Variants in GLRA2 observed in about 807,000 individuals in gnomAD.
GLRA2 encodes glycine receptor subunit alpha-2.
Under a neutral mutation model 31.6 loss-of-function variants are expected in GLRA2, and 11 were observed. The ratio of observed to expected loss-of-function variants is 0.35; its 90% confidence interval spans 0.22 to 0.58. The LOEUF (loss-of-function observed/expected upper bound fraction) is 0.58, where lower values mean the gene tolerates loss of function less well. GLRA2 is among the 20% of genes least tolerant of loss of function. GLRA2 has a pLI of 0.84. For missense variants in GLRA2, 212 were observed against 351.8 expected, an observed-to-expected ratio of 0.60 and a Z score of 3.18; for synonymous variants, 132 against 134.0, an observed-to-expected ratio of 0.99 and a Z score of 0.10.
At chrX:14,472,164 T>A in the GLRA2 span, among the ~76,000 whole-genome samples, 1 of 111,980 alleles carries the variant, frequency 8.9e-6, no homozygotes, top group Non-Finnish European at 1.9e-5. Flanking sequence ...CCTAGGCTTT[T>A]AAATCAGTTG....
chrX:14,589,709 T>C (rs1022253844), intron 4 of GLRA2, among the ~76,000 whole-genome samples: 2 of 106,972 alleles, frequency 1.9e-5, no homozygotes, highest in Non-Finnish European at 3.8e-5. Context: ...TGTATATATA[T>C]ACACACATAT....
intron 7 of GLRA2, among the ~76,000 whole-genome samples, chrX:14,645,982 A>T (rs1601796525): frequency 8.9e-6 from 1 of 112,142 alleles, no homozygotes; most frequent in Non-Finnish European, 1.9e-5. Flanking sequence ...AAGTGGAGAC[A>T]GTTGGACAAT....
intron 2 of GLRA2, among the ~76,000 whole-genome samples, chrX:14,570,596 G>T (rs968377879): frequency 1.8e-5 from 2 of 111,435 alleles, no homozygotes; most frequent in Non-Finnish European, 3.8e-5. Flanking sequence ...TGATGCTGCT[G>T]GTCCTCAGCC....
intron 8 of GLRA2, among the ~76,000 whole-genome samples, chrX:14,718,904 G>T (rs916332617): frequency 2.7e-5 from 3 of 111,784 alleles, no homozygotes; most frequent in Non-Finnish European, 5.6e-5. Flanking sequence ...ACATAAGCCT[G>T]CCCAGATTCA....
chrX:14,670,856 G>C (rs763932688), intron 7 of GLRA2, among the ~76,000 whole-genome samples: 1 of 111,475 alleles, frequency 9.0e-6, no homozygotes, highest in Admixed American at 9.5e-5. Context: ...ATGTAACTGT[G>C]ACTCTGTCCT....
At chrX:14,638,708 T>C (rs2090741213) in intron 7 of GLRA2, among the ~76,000 whole-genome samples, 1 of 111,264 alleles carries the variant, frequency 9.0e-6, no homozygotes, top group South Asian at 3.7e-4. Context: ...ATTAGGAGCA[T>C]ATAAATAGAA....
chrX:14,493,327 A>G, the GLRA2 span, among the ~76,000 whole-genome samples: 1 of 109,740 alleles, frequency 9.1e-6, no homozygotes. Flanking sequence ...ATACTATTCC[A>G]TAATAAAAAA....
At position 14,701,318 on chromosome X, in the gene GLRA2, T is replaced by C. The variant is rs182204073; in HGVS notation, c.1080+10459T>C. On this transcript the variant is annotated intron_variant, in intron 8 of 8. Transcript: ENST00000218075. Reference sequence around the variant, plus strand: ...TCCAGAGGAGCTCAGCAGCCTAGAATAACCAGATGGTGGGTTCCACAATTG... The same window carrying C: ...TCCAGAGGAGCTCAGCAGCCTAGAACAACCAGATGGTGGGTTCCACAATTG... Among the ~76,000 whole-genome samples the C allele has an allele frequency of 2.5e-4, 28 of 111,304 alleles. No homozygotes were observed. The East Asian group carries it at 2.8e-3, about 11-fold the overall frequency.
At chrX:14,596,089 C>T (rs919985489) in intron 4 of GLRA2, among the ~76,000 whole-genome samples, 1 of 111,323 alleles carries the variant, frequency 9.0e-6, no homozygotes, top group Non-Finnish European at 1.9e-5. Flanking sequence ...TCTTTATGAC[C>T]AGTACCATGA....
the GLRA2 span, among the ~76,000 whole-genome samples, chrX:14,477,288 C>CT: frequency 9.0e-6 from 1 of 111,723 alleles, no homozygotes; most frequent in East Asian, 2.8e-4. Context: ...TTTATTTAAC[C>CT]TTTCCACATA....
chrX:14,676,531 G>A (rs759924940), intron 7 of GLRA2, among the ~76,000 whole-genome samples: 10 of 112,091 alleles, frequency 8.9e-5, no homozygotes, highest in African/African-American at 2.6e-4. Flanking sequence ...GTCAGCCTAG[G>A]GGCTGGGAAT....
chrX:14,683,892 TATA>T (rs1377283467), intron 7 of GLRA2, among the ~76,000 whole-genome samples: 1 of 109,226 alleles, frequency 9.2e-6, no homozygotes, highest in African/African-American at 3.3e-5. Flanking sequence ...AAACTTAAAG[TATA>T]ATAATAAAAA....
At chrX:14,583,693 A>G (rs986334586) in intron 4 of GLRA2, among the ~76,000 whole-genome samples, 1 of 111,834 alleles carries the variant, frequency 8.9e-6, no homozygotes, top group Non-Finnish European at 1.9e-5. Flanking sequence ...GAGCCGAGAT[A>G]GTGCCACTGC....
chrX:14,575,666 G>C (rs1259234231), intron 3 of GLRA2, among the ~76,000 whole-genome samples: 1 of 110,575 alleles, frequency 9.0e-6, no homozygotes, highest in Non-Finnish European at 1.9e-5. Flanking sequence ...TCACTATATT[G>C]CCCAGGCTGG....
intron 7 of GLRA2, among the ~76,000 whole-genome samples, chrX:14,669,878 T>C (rs1033569801): frequency 1.8e-5 from 2 of 112,676 alleles, no homozygotes; most frequent in Admixed American, 9.4e-5. Context: ...CCTCGACTTA[T>C]GCAGATTTCT....
chrX:14,666,028 G>A (rs748774928), intron 7 of GLRA2, among the ~76,000 whole-genome samples: 12 of 107,130 alleles, frequency 1.1e-4, no homozygotes, highest in Non-Finnish European at 2.3e-4. Context: ...TTAACTTTTT[G>A]AAAAATTAGT....
intron 7 of GLRA2, among the ~76,000 whole-genome samples, chrX:14,642,891 T>C (rs959305510): frequency 8.1e-5 from 9 of 111,339 alleles, no homozygotes; most frequent in Non-Finnish European, 1.3e-4. Flanking sequence ...ATGTCCATGA[T>C]TGCATCATGG....
chrX:14,600,450 A>AT (rs2090256396), intron 4 of GLRA2, among the ~76,000 whole-genome samples: 3 of 110,963 alleles, frequency 2.7e-5, no homozygotes, highest in South Asian at 3.8e-4. Context: ...AAATTTCCAG[A>AT]TTTTTTGGTT....
At chrX:14,458,904 T>A in the GLRA2 span, among the ~76,000 whole-genome samples, 1 of 111,950 alleles carries the variant, frequency 8.9e-6, no homozygotes, top group Non-Finnish European at 1.9e-5. Flanking sequence ...ATTTTGGCTT[T>A]TGTTGTCATT....
Sources: gnomAD v4.1 joint callset for allele counts (sites outside exome capture counted in the v4.1 genomes callset) on GRCh38, gnomAD v4.1.1 for gene constraint, MANE v1.5 for transcripts, NCBI Gene and HGNC (gene_info 2026-07-23, HGNC 2026-07-21) for gene names.